The following PAPPA2 variants were observed in gnomAD, a reference collection of about 807,000 sequenced individuals.
PAPPA2 encodes the protein pappalysin-2.
In PAPPA2, 86 loss-of-function variants were observed where a neutral mutation model predicts 176.4. The ratio of observed to expected loss-of-function variants is 0.49; its 90% CI spans 0.41 to 0.58. The LOEUF is 0.58. PAPPA2 is among the 20% of genes least tolerant of loss of function. The pLI is 0.00. For synonymous variants in PAPPA2, 809 were observed against 852.2 expected, an observed-to-expected ratio of 0.95 and a Z score of 0.88; for missense variants, 2,073 against 2,256.9, an observed-to-expected ratio of 0.92 and a Z score of 1.65.
At chr1:176,668,592 C>T (rs1658800180) in intron 3 of PAPPA2, among the ~76,000 whole-genome samples, 1 of 152,286 alleles carries the variant, frequency 6.6e-6, no homozygotes, top group Admixed American at 6.5e-5. Flanking sequence ...CTCCGATTAA[C>T]TTTTGAAATG....
At chr1:176,625,198 A>G (rs950212524) in intron 3 of PAPPA2, among the ~76,000 whole-genome samples, 7 of 152,196 alleles carry the variant, frequency 4.6e-5, no homozygotes, top group African/African-American at 1.4e-4. Context: ...AGCATCATCA[A>G]TTCCACCCTG....
chr1:176,616,817 G>A (rs1655291136), intron 3 of PAPPA2: 5 of 711,334 alleles, frequency 7.0e-6, no homozygotes, highest in South Asian at 4.6e-5. Flanking sequence ...ATACTCAATA[G>A]GGTTATGAAA....
At chr1:176,676,356 C>T (rs939552365) in intron 4 of PAPPA2, among the ~76,000 whole-genome samples, 3 of 151,740 alleles carry the variant, frequency 2.0e-5, no homozygotes, top group South Asian at 4.1e-4. Flanking sequence ...CCTTCAGTGC[C>T]GATTGCTTAA....
chr1:176,770,362 G>A (rs1008980565), intron 16 of PAPPA2, among the ~76,000 whole-genome samples: 8 of 152,104 alleles, frequency 5.3e-5, no homozygotes, highest in Non-Finnish European at 5.9e-5. Context: ...GACTGCATTC[G>A]GAGAAACCAT....
chr1:176,519,182 T>C (rs1649080852), intron 1 of PAPPA2, among the ~76,000 whole-genome samples: 1 of 152,096 alleles, frequency 6.6e-6, no homozygotes. Flanking sequence ...CAAAATAGAG[T>C]AAGACATAAT....
chr1:176,494,603 C>G (rs1194904514), intron 1 of PAPPA2, among the ~76,000 whole-genome samples: 1 of 152,152 alleles, frequency 6.6e-6, no homozygotes, highest in Non-Finnish European at 1.5e-5. Flanking sequence ...TCAATGCAAG[C>G]TGTGCATGCA....
chr1:176,600,604 A>T (rs1654259435), intron 3 of PAPPA2, among the ~76,000 whole-genome samples: 1 of 139,414 alleles, frequency 7.2e-6, no homozygotes, highest in Non-Finnish European at 1.5e-5. Context: ...TGAACCCGGG[A>T]GGCGGAGCTT....
intron 3 of PAPPA2, among the ~76,000 whole-genome samples, chr1:176,605,575 T>G (rs1204115000): frequency 6.6e-6 from 1 of 152,212 alleles, no homozygotes; most frequent in Non-Finnish European, 1.5e-5. Context: ...GGCTCCTAAT[T>G]TATCTCATTG....
intron 3 of PAPPA2, among the ~76,000 whole-genome samples, chr1:176,624,809 G>A (rs1475017119): frequency 1.3e-5 from 2 of 152,132 alleles, no homozygotes; most frequent in Middle Eastern, 3.2e-3. Flanking sequence ...AGTCTACTGG[G>A]ACTATTCAGG....
At chr1:176,496,637 A>G (rs1363939353) in intron 1 of PAPPA2, among the ~76,000 whole-genome samples, 1 of 152,144 alleles carries the variant, frequency 6.6e-6, no homozygotes, top group Non-Finnish European at 1.5e-5. Flanking sequence ...TCTTTAGCTT[A>G]TTGCTCATGA....
intron 12 of PAPPA2, among the ~76,000 whole-genome samples, chr1:176,725,721 C>T (rs1201716814): frequency 6.6e-6 from 1 of 152,236 alleles, no homozygotes; most frequent in East Asian, 1.9e-4. Flanking sequence ...CACACACACA[C>T]TCACGGGTTT....
At chr1:176,811,135 T>C (rs2102962436) in intron 21 of PAPPA2, among the ~76,000 whole-genome samples, 1 of 152,310 alleles carries the variant, frequency 6.6e-6, no homozygotes, top group African/African-American at 2.4e-5. Context: ...CCAGATGGAA[T>C]TGCTACTGCT....
chr1:176,531,801 A>G (rs954229235), intron 1 of PAPPA2, among the ~76,000 whole-genome samples: 1 of 152,222 alleles, frequency 6.6e-6, no homozygotes, highest in Non-Finnish European at 1.5e-5. Flanking sequence ...AAAAAATTTA[A>G]AAGACACAAA....
chr1:176,763,830 A>T (rs193142053), intron 14 of PAPPA2, among the ~76,000 whole-genome samples: 11 of 152,312 alleles, frequency 7.2e-5, no homozygotes, highest in Admixed American at 7.2e-4. Flanking sequence ...AGGGCATCTG[A>T]AGGGACTTCT....
intron 3 of PAPPA2, among the ~76,000 whole-genome samples, chr1:176,602,192 T>C (rs932250644): frequency 6.6e-6 from 1 of 152,224 alleles, no homozygotes; most frequent in Admixed American, 6.5e-5. Flanking sequence ...CTAACATCTC[T>C]ATGTGTTGGC....
chr1:176,623,622 C>A (rs1039814730), intron 3 of PAPPA2, among the ~76,000 whole-genome samples: 1,689 of 79,126 alleles, frequency 0.021, 22 homozygotes, highest in East Asian at 0.045. Flanking sequence ...TTCCTTCCTT[C>A]CTTTTTTACT....
intron 17 of PAPPA2, among the ~76,000 whole-genome samples, chr1:176,789,175 A>T (rs558887904): frequency 1.3e-5 from 2 of 152,220 alleles, no homozygotes; most frequent in Non-Finnish European, 1.5e-5. Context: ...GATAGACTGG[A>T]TTAAGAAAAT....
chr1:176,466,096 A>G (rs1299760525), intron 1 of PAPPA2, among the ~76,000 whole-genome samples: 2 of 152,184 alleles, frequency 1.3e-5, no homozygotes, highest in East Asian at 3.8e-4. Context: ...TTAACATGTT[A>G]TCTCTGCTGA....
intron 12 of PAPPA2, among the ~76,000 whole-genome samples, chr1:176,734,607 G>T (rs7528287): frequency 0.42 from 63,694 of 151,822 alleles, 14,611 homozygotes; most frequent in African/African-American, 0.59. Context: ...TGGCAGCTCA[G>T]TGCCTTATAT....
Sources: gnomAD v4.1 joint callset for allele counts (sites outside exome capture counted in the v4.1 genomes callset) on GRCh38, gnomAD v4.1.1 for gene constraint, MANE v1.5 for transcripts, NCBI Gene and HGNC (gene_info 2026-07-23, HGNC 2026-07-21) for gene names.